TJP1: variants seen among roughly 807,000 people sequenced by gnomAD.
The protein encoded by TJP1 is tight junction protein ZO-1.
A neutral mutation model predicts 194.2 loss-of-function variants in TJP1; 43 were observed. That is an observed-to-expected ratio of 0.22 (90% CI 0.17 to 0.29). TJP1 has a LOEUF of 0.29. Ranked by LOEUF, TJP1 falls within the 10% of genes least tolerant of loss-of-function variation. The pLI is 1.00. For missense variants in TJP1, 1,971 were observed against 2,185.7 expected (o/e 0.90, Z 1.96); for synonymous variants, 801 against 779.0 (o/e 1.03, Z -0.47).
chr15:29,871,731 A>G (rs578038485), intron 2 of TJP1, among the ~76,000 whole-genome samples: 1 of 152,046 alleles, frequency 6.6e-6, no homozygotes, highest in African/African-American at 2.4e-5. Context: ...CTGCAGCCCC[A>G]AGAGAGACCC....
intron 2 of TJP1, among the ~76,000 whole-genome samples, chr15:29,854,227 C>T (rs1200140765): frequency 6.6e-6 from 1 of 152,030 alleles, no homozygotes. Flanking sequence ...GAGAGGGATC[C>T]TATGCACTGG....
chr15:29,875,338 A>G (rs1417171297), intron 2 of TJP1, among the ~76,000 whole-genome samples: 1 of 152,144 alleles, frequency 6.6e-6, no homozygotes, highest in Non-Finnish European at 1.5e-5. Context: ...CCTTGTTTTC[A>G]TTGGTTTTAT....
In TJP1 at chr15:29,766,614, G is replaced by C. The variant is rs1391293124; in HGVS notation, c.313-72C>G. On this transcript the variant is annotated intron_variant, in intron 4 of 27. Transcript: ENST00000614355. ...TGTACGTTCAGTTCCAAAGAGAAAG[G>C]AATATTACACTTCTCATCCCATATT... 5 of 1,417,526 alleles carry C rather than the reference G, an allele frequency of 3.5e-6. No individual in the cohort carries two copies. The East Asian group carries it at 7.1e-5, about 20-fold the overall frequency. The allele number at this position is 1,417,526 out of a possible 1,614,324, so 87.8% of individuals were successfully genotyped here. A position where few individuals can be genotyped will look rare whatever the true frequency, so the allele number is the denominator to read the frequency against.
intron 2 of TJP1, among the ~76,000 whole-genome samples, chr15:29,881,501 A>T (rs780366983): frequency 6.6e-6 from 1 of 152,154 alleles, no homozygotes; most frequent in Non-Finnish European, 1.5e-5. Flanking sequence ...CTATTACCTG[A>T]GTTTAAATTC....
rs1343137939 is a variant in TJP1, at chr15:29,713,204, T to C, written c.4203-2204A>G. Among the ~76,000 whole-genome samples, 4 of 152,226 alleles carry C rather than the reference T, an allele frequency of 2.6e-5. No individual in the cohort carries two copies. The South Asian group carries it at 6.2e-4, about 24-fold the overall frequency. On this transcript the variant is annotated intron_variant, in intron 23 of 27. Coordinates refer to ENST00000614355, the MANE Select transcript of TJP1 (RefSeq NM_001330239.4). Reference sequence around the variant, plus strand: ...GTGAGTTGAGTCCTGAAAGGTAGATTTGATAACAAAAAATCCCTGGTTGTC... The same window carrying C: ...GTGAGTTGAGTCCTGAAAGGTAGATCTGATAACAAAAAATCCCTGGTTGTC...
At chr15:29,778,380 C>G (rs368964331) in intron 2 of TJP1, among the ~76,000 whole-genome samples, 3 of 151,812 alleles carry the variant, frequency 2.0e-5, no homozygotes, top group African/African-American at 7.2e-5. Context: ...CAGCCAGGAA[C>G]GAGAGCTGCA....
rs1397417364 is a variant in TJP1 at position 29,766,441 on chromosome 15, A to G, written c.414T>C (p.Asp138=). 6.2e-7 allele frequency: 1 copy of G among 1,613,998 alleles called. No homozygotes were observed. Among genetic ancestry groups the G allele is most frequent in the African/African-American group, 1.3e-5 (1 of 74,922 alleles). ...EEDSYDEEIH[D]PRSGRSGVVN... ...CCACACCACTCCGGCCACTTCTTGG[A>G]TCATGTATTTCCTCATCATAACTAT... The change falls in exon 5 of 28, where the codon GAT becomes GAC. Residue 138 remains aspartate (D), a synonymous_variant. Coordinates refer to ENST00000614355, the MANE Select transcript of TJP1 (RefSeq NM_001330239.4).
At chr15:29,713,656 TTGA>T (rs2151069757) in intron 23 of TJP1, among the ~76,000 whole-genome samples, 2 of 152,328 alleles carry the variant, frequency 1.3e-5, no homozygotes, top group African/African-American at 4.8e-5. Flanking sequence ...TATTTTCCAG[TTGA>T]TGAAGTTGTA....
chr15:29,734,266 C>T lies in TJP1; in HGVS notation c.1516+8G>A, dbSNP rs1394908846. On this transcript the variant is annotated splice_region_variant and intron_variant, in intron 12 of 27. Coordinates refer to ENST00000614355, the MANE Select transcript of TJP1 (RefSeq NM_001330239.4). Reference sequence around the variant, plus strand: ...GTTTATCTCCTCCATTTTCTGACAGCATCTCACCATCCTTCTTCTTCTGAG... The same window carrying T: ...GTTTATCTCCTCCATTTTCTGACAGTATCTCACCATCCTTCTTCTTCTGAG... 2 of 1,580,988 alleles carry T rather than the reference C, an allele frequency of 1.3e-6. No individual in the cohort carries two copies. The highest frequency in any genetic ancestry group is 1.8e-5 in the Admixed American group (1 of 55,826).
rs953644279 is a variant in TJP1 at position 29,822,406 on chromosome 15, C to A, written c.-378G>T. The stretch of plus-strand genomic sequence containing the variant: ...GCTTCGCCACGTAACTTCCCGGGAA[C>A]CGGCGGCCGCCAAGGAACGCGGCGT... On this transcript the variant is annotated 5_prime_UTR_variant, in exon 1 of 28. Transcript: ENST00000614355. The A allele has an allele frequency of 8.4e-4, 833 of 995,752 alleles. 1 individual carries two copies. Among genetic ancestry groups the A allele is most frequent in the Non-Finnish European group, 9.2e-4 (770 of 836,736 alleles). 61.7% of individuals were successfully genotyped at this position (995,752 alleles called of 1,614,324 possible).
chr15:29,709,628 T>C (rs931443800), intron 24 of TJP1, among the ~76,000 whole-genome samples: 4 of 152,228 alleles, frequency 2.6e-5, no homozygotes, highest in Admixed American at 2.0e-4. Context: ...CATATGGTCA[T>C]CTTAATACAT....
At chr15:29,893,875 G>A (rs1311755682) in intron 2 of TJP1, among the ~76,000 whole-genome samples, 1 of 152,072 alleles carries the variant, frequency 6.6e-6, no homozygotes, top group East Asian at 1.9e-4. Context: ...CAAAACTTCT[G>A]AAGTAATAGG....
At chr15:29,859,296 A>G (rs904702933) in intron 2 of TJP1, among the ~76,000 whole-genome samples, 1 of 152,232 alleles carries the variant, frequency 6.6e-6, no homozygotes, top group Non-Finnish European at 1.5e-5. Flanking sequence ...CTTCTGCTGT[A>G]GAAAATATCC....
At chr15:29,856,246 A>G (rs2051846509) in intron 2 of TJP1, among the ~76,000 whole-genome samples, 1 of 151,500 alleles carries the variant, frequency 6.6e-6, no homozygotes, top group South Asian at 2.1e-4. Flanking sequence ...CTGTCACTTT[A>G]AAAAAAAATG....
intron 8 of TJP1, among the ~76,000 whole-genome samples, chr15:29,749,664 A>C (rs1473240833): frequency 6.6e-6 from 1 of 152,160 alleles, no homozygotes; most frequent in East Asian, 1.9e-4. Context: ...TGGGAGTACA[A>C]ATACCATGCA....
At chr15:29,911,442 T>C (rs889607094) in intron 2 of TJP1, among the ~76,000 whole-genome samples, 3 of 152,196 alleles carry the variant, frequency 2.0e-5, no homozygotes, top group Non-Finnish European at 4.4e-5. Context: ...GGGTAATTTA[T>C]AAAGAAAACA....
chr15:29,795,410 C>G (rs1205823206), intron 2 of TJP1, among the ~76,000 whole-genome samples: 1 of 145,010 alleles, frequency 6.9e-6, no homozygotes, highest in African/African-American at 2.5e-5. Context: ...CAGCAAGACT[C>G]TGTCTCAAAA....
chr15:29,787,530 C>A (rs1015169090), intron 2 of TJP1, among the ~76,000 whole-genome samples: 2 of 152,120 alleles, frequency 1.3e-5, no homozygotes, highest in Non-Finnish European at 2.9e-5. Flanking sequence ...AATCCCCTAG[C>A]CTCATCAACC....
At chr15:29,707,012 A>G (rs28567403) in intron 25 of TJP1, among the ~76,000 whole-genome samples, 1 of 152,070 alleles carries the variant, frequency 6.6e-6, no homozygotes, top group Non-Finnish European at 1.5e-5. Flanking sequence ...ACAGCATCTC[A>G]GACTTGATAA....
Sources: gnomAD v4.1 joint callset for allele counts (sites outside exome capture counted in the v4.1 genomes callset) on GRCh38, gnomAD v4.1.1 for gene constraint, MANE v1.5 for transcripts, NCBI Gene and HGNC (gene_info 2026-07-23, HGNC 2026-07-21) for gene names.